Variants in RUBCN observed in about 807,000 individuals in gnomAD.
RUBCN encodes rubicon autophagy regulator, also known as run domain Beclin-1-interacting and cysteine-rich domain-containing protein.
Under a neutral mutation model 113.2 loss-of-function variants are expected in RUBCN, and 74 were observed. The ratio of observed to expected loss-of-function variants is 0.65; its 90% CI spans 0.54 to 0.79. The LOEUF (loss-of-function observed/expected upper bound fraction) is 0.79. Ranked by LOEUF, RUBCN falls within the 30% of genes least tolerant of loss-of-function variation. The probability of loss-of-function intolerance (pLI) is 0.00; values close to 1 mark genes in which losing one functional copy is unlikely to be tolerated. For synonymous variants in RUBCN, 480 were observed against 490.0 expected, an observed-to-expected ratio of 0.98 and a Z score of 0.27; for missense variants, 1,109 against 1,251.7, an observed-to-expected ratio of 0.89 and a Z score of 1.72.
rs769100579 is a variant in RUBCN, at chr3:197,681,845, C to T, written c.2181G>A (p.Arg727=). ...QNYRCAGCGI[R]TDPDYIKRLR... ...AGGGAAGGCACTCACCAGGGTCAGT[C>T]CGGATGCCACATCCTGCACAGCGGT... The change falls in exon 15 of 20, where the codon CGG becomes CGA. Residue 727 remains arginine (R), a synonymous_variant. Coordinates refer to ENST00000296343, the MANE Select transcript of RUBCN (RefSeq NM_014687.4). The surrounding 1 kb of genome is among the most constrained non-coding windows in gnomAD (Gnocchi z 5.5). 26 of 1,614,008 alleles carry T rather than the reference C, an allele frequency of 1.6e-5. No homozygotes were observed. The highest frequency in any genetic ancestry group is 2.1e-5 in the Non-Finnish European group (25 of 1,179,940).
At chr3:197,676,446 T>C in intron 18 of RUBCN, 1 of 652,494 alleles carries the variant, frequency 1.5e-6, no homozygotes, top group Middle Eastern at 7.2e-4. Flanking sequence ...CCCGAGTAGC[T>C]GGGATTACAG....
intron 5 of RUBCN, among the ~76,000 whole-genome samples, chr3:197,703,266 C>T (rs994900228): frequency 9.9e-5 from 15 of 151,490 alleles, no homozygotes; most frequent in Non-Finnish European, 1.6e-4. Context: ...GGTGTGGTGG[C>T]GGGCGCCTGT....
chr3:197,710,742 T>G (rs1288116569), intron 2 of RUBCN, among the ~76,000 whole-genome samples: 1 of 151,444 alleles, frequency 6.6e-6, no homozygotes, highest in African/African-American at 2.4e-5. Flanking sequence ...AAAATAGGAA[T>G]AAAATAGGAA....
chr3:197,682,434 T>C (rs771086028), intron 14 of RUBCN, 36 bp downstream of exon 14: 4 of 1,613,356 alleles, frequency 2.5e-6, no homozygotes, highest in East Asian at 2.2e-5. Flanking sequence ...AGAGGACGGA[T>C]CTGTGCTCCA....
rs774340032 is a variant in RUBCN at position 197,677,508 on chromosome 3, T to C, written c.2464A>G (p.Met822Val). 4 of 1,614,176 alleles carry C rather than the reference T, an allele frequency of 2.5e-6. No individual in the cohort carries two copies. The highest frequency in any genetic ancestry group is 1.1e-5 in the South Asian group (1 of 91,086). The change falls in exon 17 of 20, where the codon ATG becomes GTG. Residue 822 changes from methionine (M) to valine (V), a missense_variant. Physicochemically the swap from Met to Val is conservative, Grantham distance 21. Coordinates refer to ENST00000296343, the MANE Select transcript of RUBCN (RefSeq NM_014687.4). The part of the protein sequence containing the change: ...LRVQLCHMKN[M>V]FKTCRLAKEL... ...TTGGCCAGTCGGCAAGTCTTGAACATGTTCTTCATGTGACACAGCTGGACC... is the reference window on the plus strand; with the variant it reads ...TTGGCCAGTCGGCAAGTCTTGAACACGTTCTTCATGTGACACAGCTGGACC...
intron 16 of RUBCN, among the ~76,000 whole-genome samples, chr3:197,678,983 G>T: frequency 6.9e-6 from 1 of 145,516 alleles, no homozygotes; most frequent in Non-Finnish European, 1.5e-5. Context: ...ACTGGCTTCA[G>T]ACTGTCCTAC....
At chr3:197,749,694 C>G in exon 1 of RUBCN, 1 of 645,266 alleles carries the variant, frequency 1.5e-6, no homozygotes, top group Non-Finnish European at 2.7e-6. Flanking sequence ...GAAAGTCGAA[C>G]TGCTCACAAC....
In RUBCN at chr3:197,669,100, A is replaced by G. The variant is rs569555364; in HGVS notation, c.*5918T>C. ...TCTGGAATAATTTTAGATCCACAGT[A>G]AAGTTGCAAAGATAGTACAAATTCG... On this transcript the variant is annotated 3_prime_UTR_variant, in exon 20 of 20. Coordinates refer to ENST00000296343, the MANE Select transcript of RUBCN (RefSeq NM_014687.4). Among the ~76,000 whole-genome samples, 1 of 152,338 alleles carries G rather than the reference A, an allele frequency of 6.6e-6. No individual in the cohort carries two copies. The highest frequency in any genetic ancestry group is 1.5e-5 in the Non-Finnish European group (1 of 68,036).
chr3:197,732,066 G>A (rs1193972250), intron 1 of RUBCN, among the ~76,000 whole-genome samples: 1 of 152,232 alleles, frequency 6.6e-6, no homozygotes, highest in South Asian at 2.1e-4. Context: ...GAGATCAGAG[G>A]AGGGGCAGGT....
intron 1 of RUBCN, among the ~76,000 whole-genome samples, chr3:197,742,849 AAC>A (rs1728582076): frequency 6.6e-6 from 1 of 152,250 alleles, no homozygotes; most frequent in African/African-American, 2.4e-5. Flanking sequence ...TCGAAAAACA[AAC>A]AGTTTTATGT....
rs768148292 is a variant in RUBCN, at chr3:197,684,186, G to A, written c.1818C>T (p.Ser606=). ...ACTGGGAGGAAACGAAGGATTTGCT[G>A]CTTGAGGCTGTGTTCCTTCTGATGT... ...DADIRRNTAS[S]SKSFVSSQSF... is the part of the protein sequence containing the mutation. Residue 606 remains serine (S), a synonymous_variant, in exon 12 of 20, where the codon AGC becomes AGT. Transcript: ENST00000296343. 1 of 1,613,660 alleles carries A rather than the reference G, an allele frequency of 6.2e-7. No individual in the cohort carries two copies. The highest frequency in any genetic ancestry group is 8.5e-7 in the Non-Finnish European group (1 of 1,179,632).
In RUBCN at chr3:197,670,462, T is replaced by A. The variant is rs982955984; in HGVS notation, c.*4556A>T. Among the ~76,000 whole-genome samples, 6 of 152,202 alleles carry A rather than the reference T, an allele frequency of 3.9e-5. No homozygotes were observed. Among genetic ancestry groups the A allele is most frequent in the Non-Finnish European group, 8.8e-5 (6 of 68,032 alleles). ...TTCAACAGTCTTTCCAATTTTGGAA[T>A]ATGATCATCTAAAATCTAAGTTAAA... is the stretch of plus-strand genomic sequence containing the variant. On this transcript the variant is annotated 3_prime_UTR_variant, in exon 20 of 20. Transcript: ENST00000296343.
chr3:197,740,738 A>G (rs1241037203), upstream of RUBCN, among the ~76,000 whole-genome samples: 1 of 151,712 alleles, frequency 6.6e-6, no homozygotes, highest in Non-Finnish European at 1.5e-5. Flanking sequence ...CTCCTGCCTC[A>G]GCCTCCCGAG....
Position 197,693,682 on chromosome 3 carries a change from A to G in RUBCN, c.1786+33T>C, listed in dbSNP as rs373476479. On this transcript the variant is annotated intron_variant, in intron 11 of 19. Transcript: ENST00000296343. The stretch of plus-strand genomic sequence containing the variant: ...ATTCTAAATGGAAAGAAACAGAATA[A>G]AAGTTCCCTTGTAACAAAGTGTCAC... 1.5e-5 allele frequency: 21 copies of G among 1,392,028 alleles called. No homozygotes were observed. The East Asian group carries it at 1.8e-4, about 12-fold the overall frequency. 86.2% of individuals were successfully genotyped at this position (1,392,028 alleles called of 1,614,324 possible). A position where few individuals can be genotyped will look rare whatever the true frequency, so the allele number is the denominator to read the frequency against.
intron 10 of RUBCN, 106 bp downstream of exon 10, chr3:197,694,269 A>G (rs867313930): frequency 4.2e-6 from 4 of 961,538 alleles, no homozygotes; most frequent in Middle Eastern, 2.1e-4. Flanking sequence ...AAAAAGTAGG[A>G]CTACATAGAA....
At chr3:197,718,913 C>G (rs1006036008) in intron 1 of RUBCN, among the ~76,000 whole-genome samples, 11 of 152,318 alleles carry the variant, frequency 7.2e-5, no homozygotes, top group African/African-American at 2.6e-4. Context: ...AGGACTAAGG[C>G]GGTCACTAAA....
At chr3:197,710,598 C>CAA (rs374376643) in intron 2 of RUBCN, among the ~76,000 whole-genome samples, 37 of 94,298 alleles carry the variant, frequency 3.9e-4, no homozygotes, top group Non-Finnish European at 4.5e-4. Context: ...AACTCCATCT[C>CAA]AAAAAAAAAA....
chr3:197,674,987 C>T lies in RUBCN; in HGVS notation c.*31G>A, dbSNP rs368490977. ...GCTCAGTTCTGCAACAGGTGTGACC[C>T]GGCCCGGAGGGAGGGCTGCACGTGC... is the stretch of plus-strand genomic sequence containing the variant. On this transcript the variant is annotated 3_prime_UTR_variant, in exon 20 of 20. Coordinates refer to ENST00000296343, the MANE Select transcript of RUBCN (RefSeq NM_014687.4). 4.0e-5 allele frequency: 64 copies of T among 1,605,888 alleles called. No individual in the cohort carries two copies. Among genetic ancestry groups the T allele is most frequent in the African/African-American group, 2.3e-4 (17 of 74,834 alleles).
chr3:197,690,900 G>A (rs1373406238), intron 11 of RUBCN, among the ~76,000 whole-genome samples: 1 of 152,242 alleles, frequency 6.6e-6, no homozygotes, highest in Non-Finnish European at 1.5e-5. Context: ...GTGAGTATCT[G>A]AATTGTTCCT....
Sources: gnomAD v4.1 joint callset for allele counts (sites outside exome capture counted in the v4.1 genomes callset) on GRCh38, gnomAD v4.1.1 for gene constraint, Gnocchi (gnomAD v3.1) non-coding constraint, MANE v1.5 for transcripts, NCBI Gene and HGNC (gene_info 2026-07-23, HGNC 2026-07-21) for gene names.